Variants in LTBP1 observed in about 807,000 individuals in gnomAD.
LTBP1 encodes the protein latent-transforming growth factor beta-binding protein 1.
LTBP1 carries 129 observed loss-of-function variants against 207.6 expected under a neutral mutation model. The ratio of observed to expected loss-of-function variants is 0.62; its 90% CI spans 0.54 to 0.72. LTBP1 has a LOEUF of 0.72. Ranked by LOEUF, LTBP1 falls within the 30% of genes least tolerant of loss-of-function variation. LTBP1 has a pLI of 0.00. For missense variants in LTBP1, 2,281 were observed against 2,217.2 expected (o/e 1.03, Z -0.58); for synonymous variants, 963 against 833.7 (o/e 1.16, Z -2.67).
chr2:33,265,053 C>T (rs2093136298), intron 15 of LTBP1, among the ~76,000 whole-genome samples: 1 of 152,146 alleles, frequency 6.6e-6, no homozygotes, highest in African/African-American at 2.4e-5. Flanking sequence ...AGCAGATTGC[C>T]TTCCTCAGCC....
chr2:33,092,766 G>A (rs1316628568), intron 3 of LTBP1, among the ~76,000 whole-genome samples: 1 of 152,200 alleles, frequency 6.6e-6, no homozygotes, highest in East Asian at 1.9e-4. Flanking sequence ...CATTGCTCTC[G>A]AACTCTGCAT....
intron 11 of LTBP1, among the ~76,000 whole-genome samples, chr2:33,256,265 G>T (rs2092847695): frequency 6.6e-6 from 1 of 151,784 alleles, no homozygotes; most frequent in African/African-American, 2.4e-5. Flanking sequence ...CTTCTTTCTT[G>T]ATTTCTACCT....
intron 3 of LTBP1, among the ~76,000 whole-genome samples, chr2:33,052,578 T>TAA (rs2076799406): frequency 1.3e-5 from 2 of 152,222 alleles, no homozygotes; most frequent in Non-Finnish European, 2.9e-5. Flanking sequence ...ATAAACTTAT[T>TAA]GTCTAAAAGA....
At chr2:33,203,449 A>C (rs2089542160) in intron 7 of LTBP1, among the ~76,000 whole-genome samples, 1 of 152,214 alleles carries the variant, frequency 6.6e-6, no homozygotes, top group Non-Finnish European at 1.5e-5. Flanking sequence ...AGAACTTCAG[A>C]GAATGGGTTG....
rs552180352 is a variant in LTBP1 at position 33,338,273 on chromosome 2, G to A, written c.3731-4565G>A. Among the ~76,000 whole-genome samples, 40 of 152,186 alleles carry A rather than the reference G, an allele frequency of 2.6e-4. 1 individual carries two copies. The highest frequency in any genetic ancestry group is 5.5e-4 in the African/African-American group (23 of 41,528). On this transcript the variant is annotated intron_variant, in intron 24 of 33. Transcript: ENST00000404816. ...TACAGTAAGTCTGAGACTGCAAGAC[G>A]CCCAGTAATTCATAACCAGCTTGGG...
chr2:33,212,063 T>C (rs1243283603), intron 7 of LTBP1, among the ~76,000 whole-genome samples: 1 of 152,244 alleles, frequency 6.6e-6, no homozygotes, highest in Non-Finnish European at 1.5e-5. Flanking sequence ...AAGGTTTTTT[T>C]CACTATTGCT....
At chr2:33,163,235 T>C (rs987503603) in intron 5 of LTBP1, among the ~76,000 whole-genome samples, 4 of 152,206 alleles carry the variant, frequency 2.6e-5, no homozygotes, top group African/African-American at 9.7e-5. Flanking sequence ...TGCCAAGGCC[T>C]CCCAAAGTGC....
At chr2:33,281,296 C>T (rs6739506) in intron 19 of LTBP1, among the ~76,000 whole-genome samples, 53,961 of 151,544 alleles carry the variant, frequency 0.36, 10,388 homozygotes, top group Admixed American at 0.42. Flanking sequence ...TATGGTAGAA[C>T]GAGCTGCCCT....
intron 22 of LTBP1, among the ~76,000 whole-genome samples, chr2:33,303,676 C>T (rs1173189210): frequency 6.6e-6 from 1 of 152,022 alleles, no homozygotes; most frequent in East Asian, 1.9e-4. Flanking sequence ...TCATAAGGAG[C>T]GTGCAACCTA....
intron 7 of LTBP1, among the ~76,000 whole-genome samples, chr2:33,191,672 C>T (rs1410028258): frequency 6.6e-6 from 1 of 152,156 alleles, no homozygotes; most frequent in African/African-American, 2.4e-5. Context: ...GGTTTGCAAA[C>T]GTAGCTATAG....
intron 9 of LTBP1, among the ~76,000 whole-genome samples, chr2:33,234,181 T>A (rs1228995314): frequency 2.0e-5 from 3 of 152,176 alleles, no homozygotes; most frequent in African/African-American, 7.2e-5. Flanking sequence ...TTTAAACACC[T>A]TTTCCCCTCT....
chr2:32,965,911 T>C (rs533610688), intron 2 of LTBP1, among the ~76,000 whole-genome samples: 2 of 152,324 alleles, frequency 1.3e-5, no homozygotes, highest in Non-Finnish European at 2.9e-5. Context: ...ACTGAAACTG[T>C]CTTCCACAAT....
intron 31 of LTBP1, among the ~76,000 whole-genome samples, chr2:33,370,348 G>A (rs986419833): frequency 2.6e-5 from 4 of 152,132 alleles, no homozygotes; most frequent in Non-Finnish European, 4.4e-5. Flanking sequence ...GTCTTTTCTA[G>A]ACCACTGCTT....
chr2:32,988,364 TG>T (rs1683909863), intron 2 of LTBP1, among the ~76,000 whole-genome samples: 1 of 152,200 alleles, frequency 6.6e-6, no homozygotes, highest in African/African-American at 2.4e-5. Flanking sequence ...GTTTAAACTC[TG>T]GGGAGTCAGG....
chr2:33,195,019 C>T (rs575619838), intron 7 of LTBP1, among the ~76,000 whole-genome samples: 14 of 152,260 alleles, frequency 9.2e-5, no homozygotes, highest in East Asian at 5.8e-4. Context: ...TTTGGTTTAC[C>T]GAAGGTTTTA....
At chr2:33,330,959 A>G (rs2094486705) in intron 24 of LTBP1, among the ~76,000 whole-genome samples, 1 of 151,916 alleles carries the variant, frequency 6.6e-6, no homozygotes, top group Non-Finnish European at 1.5e-5. Context: ...AGATAAAATA[A>G]TATTCAGGCT....
intron 20 of LTBP1, among the ~76,000 whole-genome samples, chr2:33,294,163 G>A (rs929907370): frequency 1.3e-5 from 2 of 151,292 alleles, no homozygotes; most frequent in Admixed American, 6.6e-5. Flanking sequence ...ACGCCACCAC[G>A]CCCGACTAAT....
chr2:33,159,116 G>A (rs2148056502), intron 5 of LTBP1, among the ~76,000 whole-genome samples: 1 of 152,264 alleles, frequency 6.6e-6, no homozygotes, highest in Admixed American at 6.5e-5. Context: ...TGTGAGTGAG[G>A]GAACAAAGTA....
intron 3 of LTBP1, among the ~76,000 whole-genome samples, chr2:33,100,634 TC>T (rs369415061): frequency 3.3e-4 from 50 of 152,322 alleles, no homozygotes; most frequent in African/African-American, 1.2e-3. Context: ...ATCACTACTT[TC>T]TGTTTCCAGA....
Sources: gnomAD v4.1 joint callset for allele counts (sites outside exome capture counted in the v4.1 genomes callset) on GRCh38, gnomAD v4.1.1 for gene constraint, MANE v1.5 for transcripts, NCBI Gene and HGNC (gene_info 2026-07-23, HGNC 2026-07-21) for gene names.